Variants in DST observed in about 807,000 individuals in gnomAD.
DST encodes bullous pemphigoid antigen.
Under a neutral mutation model 875.2 loss-of-function variants are expected in DST, and 253 were observed. The ratio of observed to expected loss-of-function variants is 0.29; its 90% confidence interval spans 0.26 to 0.32. The LOEUF is 0.32. Ranked by LOEUF, DST falls within the 10% of genes least tolerant of loss-of-function variation. DST has a pLI of 1.00. For synonymous variants in DST, 3,124 were observed against 3,197.1 expected (o/e 0.98, Z 0.77); for missense variants, 8,287 against 9,111.6 (o/e 0.91, Z 3.68).
intron 2 of DST, among the ~76,000 whole-genome samples, chr6:56,925,137 C>T (rs1171577819): frequency 6.6e-6 from 1 of 152,086 alleles, no homozygotes; most frequent in East Asian, 1.9e-4. Flanking sequence ...AAAAGTATTT[C>T]TTTAATTTAA....
chr6:56,753,524 T>C (rs2152954614), intron 4 of DST, among the ~76,000 whole-genome samples: 1 of 152,264 alleles, frequency 6.6e-6, no homozygotes, highest in East Asian at 1.9e-4. Context: ...GCATAGAAGC[T>C]AAAAAGAAAT....
At chr6:56,482,430 C>T in intron 89 of DST, 2 of 520,890 alleles carry the variant, frequency 3.8e-6, no homozygotes, top group East Asian at 6.5e-5. Context: ...GAATGGCAGT[C>T]CATCATACTT....
Position 56,662,702 on chromosome 6 carries a change from G to A in DST, c.1214+7939C>T, listed in dbSNP as rs543719364. Reference sequence around the variant, plus strand: ...TGCCTGTAATCCCAGCACTTTGGGAGGCCAAGGCAGGTGGATCATTTGAGG... The same window carrying A: ...TGCCTGTAATCCCAGCACTTTGGGAAGCCAAGGCAGGTGGATCATTTGAGG... On this transcript the variant is annotated intron_variant, in intron 10 of 103. Coordinates refer to ENST00000680361, the MANE Select transcript of DST (RefSeq NM_001374736.1). 3.3e-5 allele frequency among the ~76,000 whole-genome samples: 5 copies of A among 152,338 alleles called. No homozygotes were observed. In the East Asian group the frequency reaches 9.6e-4, roughly 29 times the overall value.
intron 9 of DST, among the ~76,000 whole-genome samples, chr6:56,678,139 C>T (rs909411659): frequency 3.9e-5 from 6 of 152,212 alleles, no homozygotes; most frequent in Non-Finnish European, 7.3e-5. Context: ...TCCTTAAACA[C>T]GATGCTCGCA....
chr6:56,628,595 G>A (rs1166268892), intron 32 of DST, among the ~76,000 whole-genome samples: 1 of 152,088 alleles, frequency 6.6e-6, no homozygotes, highest in Non-Finnish European at 1.5e-5. Context: ...TTACATACCT[G>A]TCTCTATGAT....
Position 56,572,962 on chromosome 6 carries a change from G to A in DST, c.13339C>T (p.Leu4447=). 1 of 1,612,500 alleles carries A rather than the reference G, an allele frequency of 6.2e-7. No homozygotes were observed. The highest frequency in any genetic ancestry group is 8.5e-7 in the Non-Finnish European group (1 of 1,179,288). Residue 4447 remains leucine, a synonymous_variant, in exon 52 of 104, where the codon CTG becomes TTG. Coordinates refer to ENST00000680361, the MANE Select transcript of DST (RefSeq NM_001374736.1). ...ETTDPSTASS[L]QAKMKDLSAR... The stretch of plus-strand genomic sequence containing the variant: ...GACAAGTCTTTCATTTTGGCTTGCA[G>A]TGAGGATGCAGTGGATGGATCTGTT...
intron 75 of DST, among the ~76,000 whole-genome samples, chr6:56,507,602 A>C (rs915159617): frequency 6.6e-6 from 1 of 152,230 alleles, no homozygotes; most frequent in African/African-American, 2.4e-5. Flanking sequence ...GTAGAGTGGC[A>C]GGAAGGACAT....
At chr6:56,780,646 G>A (rs1054858243) in intron 4 of DST, among the ~76,000 whole-genome samples, 4 of 151,700 alleles carry the variant, frequency 2.6e-5, no homozygotes, top group Admixed American at 6.6e-5. Context: ...AGATGAGTAG[G>A]TTGCAAAAAT....
intron 50 of DST, among the ~76,000 whole-genome samples, chr6:56,574,604 T>C (rs2097837149): frequency 6.6e-6 from 1 of 152,084 alleles, no homozygotes; most frequent in Non-Finnish European, 1.5e-5. Flanking sequence ...CTATCTCATA[T>C]GAGGATAAAC....
At chr6:56,843,689 G>GGGGAGAGA in intron 4 of DST, 1 of 978,746 alleles carries the variant, frequency 1.0e-6, no homozygotes, top group Non-Finnish European at 1.2e-6. Flanking sequence ...CGCCCGCGCC[G>GGGGAGAGA]GGGAGAGAGG....
chr6:56,459,149 C>T lies in DST; in HGVS notation c.23313G>A (p.Val7771=). 1.2e-6 allele frequency: 2 copies of T among 1,613,954 alleles called. No individual in the cohort carries two copies. The highest frequency in any genetic ancestry group is 8.5e-7 in the Non-Finnish European group (1 of 1,179,892). The change falls in exon 104 of 104, where the codon GTG becomes GTA. Residue 7771 remains valine, a synonymous_variant. Coordinates refer to ENST00000680361, the MANE Select transcript of DST (RefSeq NM_001374736.1). ...SDFDISEIQS[V]CSDVETVPQT... ...GGGGGACAGTTTCCACATCTGAGCACACGGACTGGATTTCTGAAATGTCAA... is the reference window on the plus strand; with the variant it reads ...GGGGGACAGTTTCCACATCTGAGCATACGGACTGGATTTCTGAAATGTCAA...
intron 90 of DST, among the ~76,000 whole-genome samples, chr6:56,478,637 C>T (rs1430196033): frequency 1.3e-5 from 2 of 152,158 alleles, no homozygotes; most frequent in Non-Finnish European, 2.9e-5. Flanking sequence ...ATGTGACACG[C>T]TTCCAAAATC....
intron 46 of DST, 47 bp downstream of exon 46, chr6:56,598,429 T>G: frequency 8.7e-7 from 1 of 1,143,734 alleles, no homozygotes. Flanking sequence ...AAGTAGCTGT[T>G]AAGCTTTTTG....
At chr6:56,834,082 G>T (rs1301695516) in intron 4 of DST, among the ~76,000 whole-genome samples, 1 of 152,030 alleles carries the variant, frequency 6.6e-6, no homozygotes, top group Non-Finnish European at 1.5e-5. Context: ...AAAAATATTA[G>T]CCCAACATGG....
intron 47 of DST, 23 bp from the exon 48 acceptor site, chr6:56,594,216 T>A: frequency 4.0e-6 from 6 of 1,502,310 alleles, no homozygotes; most frequent in Non-Finnish European, 5.3e-6. Flanking sequence ...AAATTGATCA[T>A]AATCTTCAAG....
At position 56,573,743 on chromosome 6, in the gene DST, A is replaced by G. The variant is rs2097816870; in HGVS notation, c.13172T>C (p.Leu4391Pro). 6.2e-7 allele frequency: 1 copy of G among 1,613,648 alleles called. No homozygotes were observed. The highest frequency in any genetic ancestry group is 1.3e-5 in the African/African-American group (1 of 74,896). Residue 4391 changes from leucine (L) to proline (P), a missense_variant, in exon 51 of 104, where the codon CTG becomes CCG. This residue lies in a region of DST where 1,513 missense variants were observed against 1,677.8 expected (regional missense o/e 0.90). Transcript: ENST00000680361. ...LDWMGNVESSLKEQGQVPLNS... is the reference protein window; with the variant it reads ...LDWMGNVESSPKEQGQVPLNS... ...TAAAGGCACTTGACCTTGTTCTTTC[A>G]GAGAACTTTCCACATTTCCCATCCA... is the stretch of plus-strand genomic sequence containing the variant.
At chr6:56,778,955 C>A (rs1421617125) in intron 4 of DST, among the ~76,000 whole-genome samples, 1 of 152,036 alleles carries the variant, frequency 6.6e-6, no homozygotes, top group African/African-American at 2.4e-5. Context: ...TGAGGAATCA[C>A]CACACTGACT....
chr6:56,862,650 G>C (rs975171024), intron 3 of DST, among the ~76,000 whole-genome samples: 1 of 152,126 alleles, frequency 6.6e-6, no homozygotes, highest in African/African-American at 2.4e-5. Flanking sequence ...ACTGAAGAGG[G>C]ATCACACTCA....
At position 56,659,272 on chromosome 6, in the gene DST, T is replaced by C. The variant is rs2099026338; in HGVS notation, c.1215-8028A>G. Among the ~76,000 whole-genome samples, 6 of 152,126 alleles carry C rather than the reference T, an allele frequency of 3.9e-5. 1 individual carries two copies. The highest frequency in any genetic ancestry group is 3.3e-4 in the Admixed American group (5 of 15,268). ...GTTATATGACAATGGTTATAGTAATTAGGGCTGTAAGCATGGATGAGAGAC... is the reference window on the plus strand; with the variant it reads ...GTTATATGACAATGGTTATAGTAATCAGGGCTGTAAGCATGGATGAGAGAC... On this transcript the variant is annotated intron_variant, in intron 10 of 103. Coordinates refer to ENST00000680361, the MANE Select transcript of DST (RefSeq NM_001374736.1).
Sources: allele counts gnomAD v4.1 joint callset (sites outside exome capture counted in the v4.1 genomes callset), GRCh38; gene constraint gnomAD v4.1.1; regional missense constraint gnomAD v4.1.1; transcripts MANE v1.5; gene names NCBI Gene and HGNC (gene_info 2026-07-23, HGNC 2026-07-21).